The following RAB3C variants were observed in gnomAD, a reference collection of about 807,000 sequenced individuals.
The protein encoded by RAB3C is RAB3C, member RAS oncogene family.
Under a neutral mutation model 26.4 loss-of-function variants are expected in RAB3C, and 17 were observed. That is an observed-to-expected ratio of 0.64 (90% CI 0.44 to 0.97). The LOEUF is 0.97. RAB3C is among the 50% of genes least tolerant of loss of function. The pLI is 0.00. For synonymous variants in RAB3C, 91 were observed against 95.9 expected, an observed-to-expected ratio of 0.95 and a Z score of 0.30; for missense variants, 242 against 281.9, an observed-to-expected ratio of 0.86 and a Z score of 1.01.
chr5:58,782,344 A>T (rs1217079325), intron 3 of RAB3C, among the ~76,000 whole-genome samples: 1 of 152,138 alleles, frequency 6.6e-6, no homozygotes, highest in South Asian at 2.1e-4. Context: ...TCAAAAATCT[A>T]CATGCCCCCC....
At chr5:58,682,114 C>CA (rs1180092830) in intron 2 of RAB3C, among the ~76,000 whole-genome samples, 1 of 152,088 alleles carries the variant, frequency 6.6e-6, no homozygotes, top group Non-Finnish European at 1.5e-5. Context: ...CGTGAAGTTT[C>CA]AGTTTGGAAG....
intron 4 of RAB3C, among the ~76,000 whole-genome samples, chr5:58,850,465 G>T (rs1484266489): frequency 6.6e-6 from 1 of 152,150 alleles, no homozygotes. Flanking sequence ...GCAGGTTTAA[G>T]GTAAATCTTA....
chr5:58,719,173 T>A (rs915909845), intron 2 of RAB3C, among the ~76,000 whole-genome samples: 1 of 152,038 alleles, frequency 6.6e-6, no homozygotes, highest in African/African-American at 2.4e-5. Flanking sequence ...CTAATATATA[T>A]TTTTTGTCAT....
intron 3 of RAB3C, among the ~76,000 whole-genome samples, chr5:58,735,918 A>G (rs1188857291): frequency 2.0e-5 from 3 of 152,098 alleles, no homozygotes; most frequent in Non-Finnish European, 1.5e-5. Context: ...TTCCTGATAG[A>G]GCTTTCCCAA....
At chr5:58,763,193 A>T (rs1367800128) in intron 3 of RAB3C, among the ~76,000 whole-genome samples, 3 of 152,200 alleles carry the variant, frequency 2.0e-5, no homozygotes, top group African/African-American at 7.2e-5. Flanking sequence ...AAAAGGGTAT[A>T]CTATATATGA....
chr5:58,602,272 TG>T (rs1213802174), intron 1 of RAB3C, among the ~76,000 whole-genome samples: 1 of 152,206 alleles, frequency 6.6e-6, no homozygotes, highest in Non-Finnish European at 1.5e-5. Flanking sequence ...ACCTATCATA[TG>T]GTCTATCTTG....
intron 2 of RAB3C, among the ~76,000 whole-genome samples, chr5:58,677,956 C>A (rs1457892950): frequency 7.3e-6 from 1 of 137,072 alleles, no homozygotes; most frequent in Non-Finnish European, 1.6e-5. Context: ...CTTTTACTGG[C>A]AGGTAGTAGC....
chr5:58,844,622 C>G (rs1397466619), intron 4 of RAB3C, among the ~76,000 whole-genome samples: 1 of 152,132 alleles, frequency 6.6e-6, no homozygotes. Flanking sequence ...GCAGTTCTGG[C>G]CCATCCAGTT....
intron 3 of RAB3C, among the ~76,000 whole-genome samples, chr5:58,783,865 C>T (rs925026963): frequency 6.6e-6 from 1 of 152,166 alleles, no homozygotes; most frequent in African/African-American, 2.4e-5. Context: ...TAAATGTTGG[C>T]TGACTTAAAT....
intron 2 of RAB3C, among the ~76,000 whole-genome samples, chr5:58,649,916 G>A (rs1005367012): frequency 6.6e-6 from 1 of 152,166 alleles, no homozygotes; most frequent in Non-Finnish European, 1.5e-5. Context: ...AGCTCAAAAA[G>A]CAGCACTCTC....
At chr5:58,706,027 T>G (rs574063789) in intron 2 of RAB3C, among the ~76,000 whole-genome samples, 12 of 152,312 alleles carry the variant, frequency 7.9e-5, no homozygotes, top group African/African-American at 2.9e-4. Context: ...GATGTTTTTC[T>G]GATGGTTTGA....
intron 3 of RAB3C, among the ~76,000 whole-genome samples, chr5:58,734,490 T>C (rs1741092528): frequency 1.3e-5 from 2 of 152,112 alleles, no homozygotes; most frequent in Non-Finnish European, 2.9e-5. Context: ...CTCTTCTTTC[T>C]CCCTGGATGT....
intron 2 of RAB3C, among the ~76,000 whole-genome samples, chr5:58,671,708 GTT>G (rs1385176073): frequency 9.9e-5 from 15 of 152,170 alleles, no homozygotes; most frequent in African/African-American, 3.6e-4. Flanking sequence ...GAACTGGAAA[GTT>G]TCGGTTGTTA....
At chr5:58,725,305 G>T (rs528303805) in intron 2 of RAB3C, among the ~76,000 whole-genome samples, 1 of 151,736 alleles carries the variant, frequency 6.6e-6, no homozygotes, top group African/African-American at 2.4e-5. Flanking sequence ...AGACAAATTG[G>T]AGCTCCTTTA....
intron 4 of RAB3C, among the ~76,000 whole-genome samples, chr5:58,840,360 A>T (rs1358321738): frequency 6.6e-6 from 1 of 152,142 alleles, no homozygotes; most frequent in African/African-American, 2.4e-5. Flanking sequence ...CGAATTTCTC[A>T]TTCAAATCAT....
chr5:58,744,663 G>A lies in RAB3C; in HGVS notation c.371+18543G>A, dbSNP rs540326337. 1.4e-3 allele frequency among the ~76,000 whole-genome samples: 219 copies of A among 152,276 alleles called. 8 individuals carry two copies. The South Asian group carries it at 0.043, about 30-fold the overall frequency. ...AGCTTCTGAATTGGCACAGGGGAAT[G>A]GTCATGTTTGTGGTTTTTCAAATAT... On this transcript the variant is annotated intron_variant, in intron 3 of 4. Coordinates refer to ENST00000282878, the MANE Select transcript of RAB3C (RefSeq NM_138453.4).
intron 3 of RAB3C, among the ~76,000 whole-genome samples, chr5:58,764,803 T>C (rs1241756280): frequency 6.6e-6 from 1 of 152,322 alleles, no homozygotes; most frequent in East Asian, 1.9e-4. Flanking sequence ...AGCCATCAAT[T>C]TGTATACTTT....
chr5:58,815,188 T>C (rs1170044110), intron 3 of RAB3C, among the ~76,000 whole-genome samples: 1 of 152,168 alleles, frequency 6.6e-6, no homozygotes, highest in Non-Finnish European at 1.5e-5. Context: ...TTCAACACAA[T>C]GTAGGCACTT....
chr5:58,607,565 C>A (rs1459628656), intron 1 of RAB3C, among the ~76,000 whole-genome samples: 2 of 152,066 alleles, frequency 1.3e-5, no homozygotes, highest in Non-Finnish European at 2.9e-5. Context: ...ACAGAGAACA[C>A]CACAAAGATA....
Sources: gnomAD v4.1 joint callset for allele counts (sites outside exome capture counted in the v4.1 genomes callset) on GRCh38, gnomAD v4.1.1 for gene constraint, MANE v1.5 for transcripts, NCBI Gene and HGNC (gene_info 2026-07-23, HGNC 2026-07-21) for gene names.